The following PTPRD variants were observed in gnomAD, a reference collection of about 807,000 sequenced individuals.
The protein encoded by PTPRD is protein tyrosine phosphatase receptor type D, also known as receptor-type tyrosine-protein phosphatase delta.
PTPRD carries 34 observed loss-of-function variants against 214.5 expected under a neutral mutation model. The observed-to-expected ratio is 0.16, with a 90% confidence interval of 0.12 to 0.21. PTPRD has a LOEUF of 0.21. Among genes scored for constraint, PTPRD ranks in the 10% least tolerant of loss-of-function variants. The pLI, the probability that PTPRD is intolerant of heterozygous loss-of-function variation, is 1.00. For synonymous variants in PTPRD, 1,128 were observed against 845.7 expected, an observed-to-expected ratio of 1.33 and a Z score of -5.79; for missense variants, 2,545 against 2,398.7, an observed-to-expected ratio of 1.06 and a Z score of -1.27.
At chr9:9,541,285 C>T (rs1212788929) in intron 8 of PTPRD, among the ~76,000 whole-genome samples, 1 of 151,650 alleles carries the variant, frequency 6.6e-6, no homozygotes, top group Non-Finnish European at 1.5e-5. Flanking sequence ...ACTTCAGTTG[C>T]CATGATATAA....
chr9:10,499,689 G>A (rs888892926), intron 2 of PTPRD, among the ~76,000 whole-genome samples: 5 of 151,684 alleles, frequency 3.3e-5, no homozygotes, highest in Admixed American at 3.3e-4. Context: ...AATCCATTCT[G>A]AGGTCTTATT....
In PTPRD at chr9:9,596,830, C is replaced by T. The variant is rs139920530; in HGVS notation, c.-286-22049G>A. Among the ~76,000 whole-genome samples the T allele has an allele frequency of 7.2e-4, 110 of 152,102 alleles. 1 individual carries two copies. The highest frequency in any genetic ancestry group is 2.6e-3 in the African/African-American group (108 of 41,538). ...AATATAAAACACAATCTGCCCTCAA[C>T]TTAAAATAACTTTTAGAATTACAAA... On this transcript the variant is annotated intron_variant, in intron 7 of 45. Transcript: ENST00000381196.
chr9:8,713,602 C>G lies in PTPRD; in HGVS notation c.64+20178G>C, dbSNP rs1329908329. The G allele has an allele frequency of 2.0e-6, 3 of 1,528,200 alleles. No homozygotes were observed. The East Asian group carries it at 6.7e-5, about 34-fold the overall frequency. The allele number at this position is 1,528,200 out of a possible 1,614,324, so 94.7% of individuals were successfully genotyped here. On this transcript the variant is annotated intron_variant, in intron 12 of 45. Transcript: ENST00000381196. ...CACCCACAACATGTACCGGGAATAC[C>G]GGGACCTGACCACCGCGGGCGCTGT...
At chr9:9,891,963 G>C (rs945765367) in intron 5 of PTPRD, among the ~76,000 whole-genome samples, 2 of 151,934 alleles carry the variant, frequency 1.3e-5, no homozygotes, top group African/African-American at 4.8e-5. Context: ...ATGTTCCAAG[G>C]CTAAGCTAGA....
intron 9 of PTPRD, among the ~76,000 whole-genome samples, chr9:9,187,066 A>G (rs1005853464): frequency 6.6e-6 from 1 of 151,946 alleles, no homozygotes; most frequent in Non-Finnish European, 1.5e-5. Context: ...TTTATTTTAC[A>G]TAATATATTG....
chr9:8,997,625 C>T (rs2099402031), intron 11 of PTPRD, among the ~76,000 whole-genome samples: 1 of 152,060 alleles, frequency 6.6e-6, no homozygotes, highest in East Asian at 1.9e-4. Flanking sequence ...GAAATTATGC[C>T]CATTAATAAC....
chr9:8,751,332 G>A (rs1398888334), intron 11 of PTPRD, among the ~76,000 whole-genome samples: 1 of 151,636 alleles, frequency 6.6e-6, no homozygotes, highest in Non-Finnish European at 1.5e-5. Flanking sequence ...ACAAAGAAAC[G>A]GTCAGCATTA....
At chr9:8,479,858 A>G (rs1412121043) in intron 30 of PTPRD, among the ~76,000 whole-genome samples, 1 of 152,140 alleles carries the variant, frequency 6.6e-6, no homozygotes, top group Non-Finnish European at 1.5e-5. Context: ...TTTATAGTCT[A>G]TCATTTCCCT....
At chr9:8,933,459 C>T (rs1316873870) in intron 11 of PTPRD, among the ~76,000 whole-genome samples, 1 of 148,772 alleles carries the variant, frequency 6.7e-6, no homozygotes, top group Non-Finnish European at 1.5e-5. Context: ...AAGGGATTGG[C>T]TGTAGCTTAC....
At chr9:9,955,465 T>C (rs1040812277) in intron 4 of PTPRD, among the ~76,000 whole-genome samples, 6 of 152,134 alleles carry the variant, frequency 3.9e-5, no homozygotes, top group Admixed American at 3.3e-4. Flanking sequence ...CAACTTTACA[T>C]TGGCCACAAC....
At chr9:9,381,970 G>C (rs553201057) in intron 9 of PTPRD, among the ~76,000 whole-genome samples, 4 of 151,442 alleles carry the variant, frequency 2.6e-5, no homozygotes, top group Non-Finnish European at 5.9e-5. Flanking sequence ...ACTATAGGTA[G>C]TATGCACATT....
At chr9:9,759,555 C>CT (rs3050068) in intron 6 of PTPRD, among the ~76,000 whole-genome samples, 3,530 of 117,778 alleles carry the variant, frequency 0.03, 194 homozygotes, top group South Asian at 0.063. Context: ...CAAGGTCTGT[C>CT]TTTTTTTTTT....
intron 9 of PTPRD, among the ~76,000 whole-genome samples, chr9:9,374,281 A>G (rs1446431290): frequency 3.3e-5 from 5 of 152,088 alleles, no homozygotes; most frequent in African/African-American, 1.2e-4. Context: ...TTTAATCTAT[A>G]TTAGTTCTAT....
At chr9:9,879,052 A>G (rs2067785973) in intron 5 of PTPRD, among the ~76,000 whole-genome samples, 1 of 152,084 alleles carries the variant, frequency 6.6e-6, no homozygotes, top group African/African-American at 2.4e-5. Flanking sequence ...TTCATTCAGT[A>G]TTTTCTATGG....
Position 8,333,276 on chromosome 9 carries a change from T to G in PTPRD, c.5380-1540A>C, listed in dbSNP as rs190030138. 3.7e-4 allele frequency among the ~76,000 whole-genome samples: 57 copies of G among 152,286 alleles called. No individual in the cohort carries two copies. In the East Asian group the frequency reaches 0.01, roughly 27 times the overall value. ...ACCCAGAAGCTAGGTAATACAGATT[T>G]ATTCTCCTCTGAATGTCCTGGGGAT... On this transcript the variant is annotated intron_variant, in intron 43 of 45. Coordinates refer to ENST00000381196, the MANE Select transcript of PTPRD (RefSeq NM_002839.4).
intron 2 of PTPRD, among the ~76,000 whole-genome samples, chr9:10,423,607 A>G (rs1487087935): frequency 6.6e-6 from 1 of 151,894 alleles, no homozygotes; most frequent in African/African-American, 2.4e-5. Context: ...AGCAAATTAT[A>G]ATGGCAGAAT....
At position 9,816,687 on chromosome 9, in the gene PTPRD, G is replaced by C. The variant is rs148749154; in HGVS notation, c.-367-49836C>G. Among the ~76,000 whole-genome samples the C allele has an allele frequency of 8.9e-4, 136 of 152,072 alleles. 1 individual carries two copies. Among genetic ancestry groups the C allele is most frequent in the Middle Eastern group, 3.4e-3 (1 of 292 alleles). On this transcript the variant is annotated intron_variant, in intron 5 of 45. Coordinates refer to ENST00000381196, the MANE Select transcript of PTPRD (RefSeq NM_002839.4). ...GTATTCTGAAGCCTATAAACACGTA[G>C]CTTAAACTTTTCTGGGATGCCTTAC...
chr9:9,111,253 T>C (rs1054255525), intron 10 of PTPRD, among the ~76,000 whole-genome samples: 1 of 88,556 alleles, frequency 1.1e-5, no homozygotes, highest in Non-Finnish European at 2.1e-5. Flanking sequence ...TGGAAATACC[T>C]TTTTTTTTTT....
At chr9:10,081,977 TAGG>T (rs1385563159) in intron 3 of PTPRD, among the ~76,000 whole-genome samples, 2 of 152,008 alleles carry the variant, frequency 1.3e-5, no homozygotes, top group Non-Finnish European at 2.9e-5. Flanking sequence ...CAGAGAGATT[TAGG>T]AGAAGCTAAG....
Sources: allele counts gnomAD v4.1 joint callset (sites outside exome capture counted in the v4.1 genomes callset), GRCh38; gene constraint gnomAD v4.1.1; transcripts MANE v1.5; gene names NCBI Gene and HGNC (gene_info 2026-07-23, HGNC 2026-07-21).